Variants in NCAPD2 observed in about 807,000 individuals in gnomAD.
NCAPD2 encodes non-SMC condensin I complex subunit D2.
In NCAPD2, 100 loss-of-function variants were observed where a neutral mutation model predicts 164.5. The observed-to-expected ratio is 0.61, with a 90% CI of 0.52 to 0.72. The LOEUF (loss-of-function observed/expected upper bound fraction) is 0.72. Among genes scored for constraint, NCAPD2 ranks in the 30% least tolerant of loss-of-function variants. The pLI is 0.00. For missense variants in NCAPD2, 1,560 were observed against 1,749.2 expected, an observed-to-expected ratio of 0.89 and a Z score of 1.93; for synonymous variants, 585 against 642.6, an observed-to-expected ratio of 0.91 and a Z score of 1.36.
Position 6,514,528 on chromosome 12 carries a change from A to T in NCAPD2, c.780A>T (p.Ala260=). 6.2e-7 allele frequency: 1 copy of T among 1,614,252 alleles called. No homozygotes were observed. Among genetic ancestry groups the T allele is most frequent in the Admixed American group, 1.7e-5 (1 of 60,026 alleles). ...AACACCTGGCACCTGTACTGGTTGC[A>T]GCCGTGAGTCTATGGGCAACTGACT... ...HFEHLAPVLV[A]AVSLWATDYG... Residue 260 remains alanine (A), a synonymous_variant, in exon 8 of 32, where the codon GCA becomes GCT. Transcript: ENST00000315579.
At chr12:6,505,216 A>G (rs747131036) in intron 2 of NCAPD2, among the ~76,000 whole-genome samples, 1 of 152,030 alleles carries the variant, frequency 6.6e-6, no homozygotes, top group Non-Finnish European at 1.5e-5. Flanking sequence ...ACAGGCATGC[A>G]CCACCATGCC....
chr12:6,504,954 A>G (rs753499804), intron 2 of NCAPD2, among the ~76,000 whole-genome samples: 1 of 152,170 alleles, frequency 6.6e-6, no homozygotes, highest in African/African-American at 2.4e-5. Context: ...CACTTCCAGC[A>G]TCACTAGTGG....
intron 2 of NCAPD2, among the ~76,000 whole-genome samples, chr12:6,506,198 T>G (rs577736249): frequency 1.3e-5 from 2 of 152,270 alleles, no homozygotes; most frequent in East Asian, 3.9e-4. Context: ...CCTCAAGTGA[T>G]CCTCCTGCCT....
At chr12:6,518,504 G>GTTTTTTTTTTTTTTTTGTTTT (rs1946227407) in intron 13 of NCAPD2, among the ~76,000 whole-genome samples, 1 of 44,774 alleles carries the variant, frequency 2.2e-5, no homozygotes, top group East Asian at 6.3e-4. Context: ...CCGTCAACAA[G>GTTTTTTTTTTTTTTTTGTTTT]TTTTTTTTTT....
Position 6,531,809 on chromosome 12 carries a change from TAA to T in NCAPD2, c.*406_*407del. On this transcript the variant is annotated 3_prime_UTR_variant, in exon 32 of 32. Coordinates refer to ENST00000315579, the MANE Select transcript of NCAPD2 (RefSeq NM_014865.4). The surrounding 1 kb of genome is among the most constrained non-coding windows in gnomAD (Gnocchi z 4.1). ...ACAATAGCGAACCTCCATCTCAAAT[TAA>T]AAAAAAAATGCCTACACGCTCTTTA... 3 of 217,926 alleles carry T rather than the reference TAA, an allele frequency of 1.4e-5. No homozygotes were observed. The highest frequency in any genetic ancestry group is 1.1e-4 in the South Asian group (2 of 18,074). The allele number at this position is 217,926 out of a possible 1,614,324, so 13.5% of individuals were successfully genotyped here.
Position 6,528,042 on chromosome 12 carries a change from G to A in NCAPD2, c.3094G>A (p.Asp1032Asn), listed in dbSNP as rs755921917. The A allele has an allele frequency of 1.2e-6, 2 of 1,614,208 alleles. No individual in the cohort carries two copies. Among genetic ancestry groups the A allele is most frequent in the Middle Eastern group, 3.3e-4 (2 of 6,062 alleles). ...CAACCCAGGCCTCTATAGCAACCCA[G>A]ACCTCTCTGCAGCTGCTTCACTTGC... The part of the protein sequence containing the change: ...CNNPGLYSNP[D>N]LSAAASLALG... Residue 1032 changes from aspartate (D) to asparagine (N), a missense_variant, in exon 24 of 32, where the codon GAC (aspartate) becomes AAC (asparagine). By Grantham distance (23) the Asp-to-Asn change is conservative (BLOSUM62 1). Transcript: ENST00000315579. The surrounding 1 kb of genome is among the most constrained non-coding windows in gnomAD (Gnocchi z 5.1).
chr12:6,501,439 C>T (rs1337943259), intron 2 of NCAPD2, among the ~76,000 whole-genome samples: 1 of 151,954 alleles, frequency 6.6e-6, no homozygotes. Context: ...CTGCCTGCCT[C>T]GGCCTCCCAA....
At chr12:6,501,341 C>T (rs1481588326) in intron 2 of NCAPD2, among the ~76,000 whole-genome samples, 1 of 149,950 alleles carries the variant, frequency 6.7e-6, no homozygotes, top group Non-Finnish European at 1.5e-5. Context: ...CCCAGGGTCA[C>T]GACACCTGGC....
chr12:6,496,057 T>A (rs908276208), intron 2 of NCAPD2, among the ~76,000 whole-genome samples: 1 of 132,016 alleles, frequency 7.6e-6, no homozygotes, highest in African/African-American at 3.0e-5. Context: ...CTTTTTGTTT[T>A]TCTTTTTTTT....
At chr12:6,517,567 C>T in intron 11 of NCAPD2, 29 bp from the exon 12 acceptor site, 1 of 1,614,194 alleles carries the variant, frequency 6.2e-7, no homozygotes, top group East Asian at 2.2e-5. Context: ...ATGTCATTTA[C>T]TGACCCTGCT....
At chr12:6,510,341 A>C (rs944535544) in intron 4 of NCAPD2, 1 of 785,534 alleles carries the variant, frequency 1.3e-6, no homozygotes, top group Admixed American at 1.7e-5. Context: ...GTTCACTGTA[A>C]GGGCAGACCA....
chr12:6,509,239 G>T (rs1224482235), intron 2 of NCAPD2, among the ~76,000 whole-genome samples: 1 of 152,060 alleles, frequency 6.6e-6, no homozygotes, highest in Non-Finnish European at 1.5e-5. Context: ...ACAAATATAA[G>T]ATATCATCAT....
Position 6,529,519 on chromosome 12 carries a change from C to A in NCAPD2, c.3579C>A (p.Leu1193=). Residue 1193 remains leucine, a synonymous_variant, in exon 28 of 32, where the codon CTC becomes CTA. Transcript: ENST00000315579. Reference sequence around the variant, plus strand: ...TCATCTCCCCTTCCTGCAGACAGCTCCTCTCCTACATCACCAAGGACAAGC... The same window carrying A: ...TCATCTCCCCTTCCTGCAGACAGCTACTCTCCTACATCACCAAGGACAAGC... The part of the protein sequence containing the change: ...EEPFHTIMKQ[L]LSYITKDKQT... 6.2e-7 allele frequency: 1 copy of A among 1,614,030 alleles called. No homozygotes were observed. The highest frequency in any genetic ancestry group is 8.5e-7 in the Non-Finnish European group (1 of 1,179,936).
chr12:6,504,193 A>ACCAT (rs1946070129), intron 2 of NCAPD2, among the ~76,000 whole-genome samples: 1 of 28,548 alleles, frequency 3.5e-5, no homozygotes, highest in Admixed American at 4.5e-4. Context: ...ATATATATAT[A>ACCAT]TATATATATA....
Position 6,531,475 on chromosome 12 carries a change from G to T in NCAPD2, c.*63G>T. On this transcript the variant is annotated 3_prime_UTR_variant, in exon 32 of 32. Transcript: ENST00000315579. This position sits in a 1 kb window ranked among gnomAD's most constrained non-coding sequence, Gnocchi z 4.1. The stretch of plus-strand genomic sequence containing the variant: ...TAGGGTGACCTGGAATTCGAATTCT[G>T]TTTCCCTTGTAAAATATTTGTCTGT... The T allele has an allele frequency of 1.9e-6, 3 of 1,583,896 alleles. No individual in the cohort carries two copies. The highest frequency in any genetic ancestry group is 1.8e-5 in the Admixed American group (1 of 54,772).
chr12:6,514,336 G>A lies in NCAPD2; in HGVS notation c.659G>A (p.Arg220Gln), dbSNP rs201003099. The change falls in exon 7 of 32, where the codon CGG (arginine) becomes CAG (glutamine). Residue 220 changes from arginine (R) to glutamine (Q), a missense_variant. Transcript: ENST00000315579. ...AATCACCAGAAGAACCGCCCCACTCGGGAAGCCATAACACACCTGCTTGGT... is the reference window on the plus strand; with the variant it reads ...AATCACCAGAAGAACCGCCCCACTCAGGAAGCCATAACACACCTGCTTGGT... ...TINHQKNRPT[R>Q]EAITHLLGVA... The A allele has an allele frequency of 3.1e-5, 50 of 1,613,990 alleles. No homozygotes were observed. Among genetic ancestry groups the A allele is most frequent in the Non-Finnish European group, 3.4e-5 (40 of 1,180,028 alleles).
chr12:6,518,509 T>TTTTTTTTTTTTTTTTTG (rs1946229387), intron 13 of NCAPD2, among the ~76,000 whole-genome samples: 1 of 95,638 alleles, frequency 1.0e-5, no homozygotes, highest in Non-Finnish European at 2.0e-5. Flanking sequence ...AACAAGTTTT[T>TTTTTTTTTTTTTTTTTG]TTTTTTTTTT....
chr12:6,509,652 T>C (rs1272336096), intron 2 of NCAPD2, 65 bp from the exon 3 acceptor site: 2 of 1,435,500 alleles, frequency 1.4e-6, no homozygotes, highest in Non-Finnish European at 2.0e-6. Context: ...TTTTCTGCCA[T>C]GGATAGAATT....
chr12:6,507,407 ATTC>A (rs1156723624), intron 2 of NCAPD2, among the ~76,000 whole-genome samples: 1 of 152,248 alleles, frequency 6.6e-6, no homozygotes. Context: ...CAAACAAAGG[ATTC>A]TTAGGAAAGC....
Sources: gnomAD v4.1 joint callset for allele counts (sites outside exome capture counted in the v4.1 genomes callset) on GRCh38, gnomAD v4.1.1 for gene constraint, Gnocchi (gnomAD v3.1) non-coding constraint, MANE v1.5 for transcripts, NCBI Gene and HGNC (gene_info 2026-07-23, HGNC 2026-07-21) for gene names.